GAN: variants seen among roughly 807,000 people sequenced by gnomAD.
GAN encodes epididymis secretory sperm binding protein.
Under a neutral mutation model 71.3 loss-of-function variants are expected in GAN, and 48 were observed. The ratio of observed to expected loss-of-function variants is 0.67; its 90% confidence interval spans 0.53 to 0.86. The LOEUF is 0.86. Ranked by LOEUF, GAN falls within the 40% of genes least tolerant of loss-of-function variation. GAN has a pLI of 0.00. For missense variants in GAN, 928 were observed against 770.1 expected, an observed-to-expected ratio of 1.21 and a Z score of -2.43; for synonymous variants, 386 against 276.8, an observed-to-expected ratio of 1.39 and a Z score of -3.92.
intron 1 of GAN, among the ~76,000 whole-genome samples, chr16:81,346,096 C>G (rs1910109968): frequency 6.6e-6 from 1 of 152,190 alleles, no homozygotes; most frequent in African/African-American, 2.4e-5. Context: ...GAGATACCTC[C>G]TCTAAATTTT....
At chr16:81,356,496 A>G (rs1238867939) in intron 3 of GAN, among the ~76,000 whole-genome samples, 2 of 152,142 alleles carry the variant, frequency 1.3e-5, no homozygotes, top group Non-Finnish European at 2.9e-5. Context: ...GTCTTTTCCT[A>G]TTGAAATGGG....
intron 7 of GAN, 94 bp downstream of exon 7, chr16:81,364,037 G>A (rs1910766346): frequency 1.0e-6 from 1 of 981,878 alleles, no homozygotes; most frequent in Non-Finnish European, 1.6e-6. Context: ...TAATATAACT[G>A]ATGGTGTTAA....
Position 81,354,429 on chromosome 16 carries a change from C to T in GAN, c.307C>T (p.Gln103Ter), listed in dbSNP as rs1313883569. The T allele has an allele frequency of 6.2e-7, 1 of 1,611,686 alleles. No homozygotes were observed. Among genetic ancestry groups the T allele is most frequent in the African/African-American group, 1.3e-5 (1 of 74,828 alleles). ...GQIRLNEDTI[Q>*]DVVQAADLLL... Reference sequence around the variant, plus strand: ...GATCAGGCTAAATGAAGATACAATCCAAGATGTTGTTCAGGCAGCTGACCT... The same window carrying T: ...GATCAGGCTAAATGAAGATACAATCTAAGATGTTGTTCAGGCAGCTGACCT... Residue 103 changes from glutamine to a stop codon, truncating the protein, a stop_gained, in exon 3 of 11, where the codon CAA becomes TAA. Transcript: ENST00000648994. LOFTEE classifies it high-confidence loss of function.
chr16:81,354,318 A>C, intron 2 of GAN, 87 bp from the exon 3 acceptor site: 1 of 842,768 alleles, frequency 1.2e-6, no homozygotes, highest in South Asian at 1.4e-5. Context: ...AATAAATGGA[A>C]ATTTCATGTG....
chr16:81,348,998 G>A (rs988145249), intron 1 of GAN, among the ~76,000 whole-genome samples: 1 of 152,078 alleles, frequency 6.6e-6, no homozygotes, highest in Non-Finnish European at 1.5e-5. Flanking sequence ...TGTGCCTGGT[G>A]CTCCCCTGTC....
rs1387723789 is a variant in GAN at position 81,388,800 on chromosome 16, A to C, written c.*11204A>C. 9 of 152,256 alleles carry C rather than the reference A, an allele frequency of 5.9e-5. No individual in the cohort carries two copies. The highest frequency in any genetic ancestry group is 5.9e-5 in the Non-Finnish European group (4 of 68,038). 9.4% of individuals were successfully genotyped at this position (152,256 alleles called of 1,614,324 possible). ...TTCTTTCCTCTTCAGCTCTGACTTA[A>C]AAACACACTATGTTCCAAATCGTTG... On this transcript the variant is annotated 3_prime_UTR_variant, in exon 11 of 11. Coordinates refer to ENST00000648994, the MANE Select transcript of GAN (RefSeq NM_022041.4).
intron 9 of GAN, among the ~76,000 whole-genome samples, chr16:81,370,349 TC>T (rs979623172): frequency 1.3e-5 from 2 of 152,208 alleles, no homozygotes; most frequent in Admixed American, 6.5e-5. Context: ...CACATCTGTT[TC>T]AGTCATGGTC....
At chr16:81,317,118 A>G (rs748227173) in intron 1 of GAN, among the ~76,000 whole-genome samples, 3 of 152,140 alleles carry the variant, frequency 2.0e-5, no homozygotes, top group Admixed American at 1.3e-4. Flanking sequence ...CGGCCTCCCA[A>G]AGTGCTGGGA....
At chr16:81,375,900 G>T (rs1287973154) in intron 9 of GAN, among the ~76,000 whole-genome samples, 1 of 150,912 alleles carries the variant, frequency 6.6e-6, no homozygotes, top group Non-Finnish European at 1.5e-5. Context: ...AGTCCAAGAG[G>T]TTGAGACTGC....
At position 81,351,605 on chromosome 16, in the gene GAN, C is replaced by G; in HGVS notation, c.190C>G (p.Pro64Ala). 6.6e-7 allele frequency: 1 copy of G among 1,511,434 alleles called. No homozygotes were observed. The highest frequency in any genetic ancestry group is 9.2e-7 in the Non-Finnish European group (1 of 1,086,206). 93.6% of individuals were successfully genotyped at this position (1,511,434 alleles called of 1,614,324 possible). A position where few individuals can be genotyped will look rare whatever the true frequency, so the allele number is the denominator to read the frequency against. ...YIRTKLNYNPPKDDGSTYKIE... is the reference protein window; with the variant it reads ...YIRTKLNYNPAKDDGSTYKIE... ...TAGGACAAAGTTAAACTATAATCCT[C>G]CAAAAGATGATGGATCAACTTATAA... Residue 64 changes from proline to alanine, a missense_variant, in exon 2 of 11, where the codon CCA (proline) becomes GCA (alanine). Coordinates refer to ENST00000648994, the MANE Select transcript of GAN (RefSeq NM_022041.4).
Position 81,379,691 on chromosome 16 carries a change from G to A in GAN, c.*2095G>A, listed in dbSNP as rs987766996. On this transcript the variant is annotated 3_prime_UTR_variant, in exon 11 of 11. Transcript: ENST00000648994. ...ATGTCCTGTACAGAACAGTACCTTG[G>A]CATTCAGCAGCTGTAATTGGGGAAC... is the stretch of plus-strand genomic sequence containing the variant. The A allele has an allele frequency of 2.6e-5, 4 of 152,198 alleles. No individual in the cohort carries two copies. Among genetic ancestry groups the A allele is most frequent in the Admixed American group, 2.6e-4 (4 of 15,278 alleles). 9.4% of individuals were successfully genotyped at this position (152,198 alleles called of 1,614,324 possible). A position where few individuals can be genotyped will look rare whatever the true frequency, so the allele number is the denominator to read the frequency against.
At chr16:81,360,804 T>C (rs1339595837) in intron 5 of GAN, among the ~76,000 whole-genome samples, 1 of 152,240 alleles carries the variant, frequency 6.6e-6, no homozygotes, top group Non-Finnish European at 1.5e-5. Context: ...ATCATCTTTC[T>C]GGTTACTATA....
At chr16:81,361,017 A>G (rs541713078) in intron 5 of GAN, among the ~76,000 whole-genome samples, 5 of 152,256 alleles carry the variant, frequency 3.3e-5, no homozygotes, top group Non-Finnish European at 7.4e-5. Context: ...TGAGGTCAGG[A>G]GTTTGAAATC....
At position 81,358,077 on chromosome 16, in the gene GAN, G is replaced by A. The variant is rs375882079; in HGVS notation, c.973+146G>A. 47 of 750,952 alleles carry A rather than the reference G, an allele frequency of 6.3e-5. No individual in the cohort carries two copies. In the Middle Eastern group the frequency reaches 7.3e-4, roughly 12 times the overall value. 46.5% of individuals were successfully genotyped at this position (750,952 alleles called of 1,614,324 possible). A position where few individuals can be genotyped will look rare whatever the true frequency, so the allele number is the denominator to read the frequency against. On this transcript the variant is annotated intron_variant, in intron 5 of 10. Coordinates refer to ENST00000648994, the MANE Select transcript of GAN (RefSeq NM_022041.4). ...TAGTGTAGTTCTAGCTTCTGAGACCGTGGTTAGGAAAACCGTATTTTCTGT... is the reference window on the plus strand; with the variant it reads ...TAGTGTAGTTCTAGCTTCTGAGACCATGGTTAGGAAAACCGTATTTTCTGT...
At chr16:81,329,683 G>T (rs1909508296) in intron 1 of GAN, among the ~76,000 whole-genome samples, 1 of 152,090 alleles carries the variant, frequency 6.6e-6, no homozygotes, top group African/African-American at 2.4e-5. Context: ...GTTGATACTT[G>T]GTCTCTCCAG....
chr16:81,336,745 T>C (rs1296073298), intron 1 of GAN, among the ~76,000 whole-genome samples: 1 of 152,096 alleles, frequency 6.6e-6, no homozygotes, highest in African/African-American at 2.4e-5. Flanking sequence ...CCAAAAGTGT[T>C]GGGATTGTAG....
intron 1 of GAN, among the ~76,000 whole-genome samples, chr16:81,342,544 C>T (rs193000917): frequency 6.6e-6 from 1 of 152,110 alleles, no homozygotes; most frequent in African/African-American, 2.4e-5. Flanking sequence ...GGGTAAATAA[C>T]GAAATGAAGG....
At chr16:81,373,767 A>G (rs1194503255) in intron 9 of GAN, among the ~76,000 whole-genome samples, 3 of 151,914 alleles carry the variant, frequency 2.0e-5, no homozygotes, top group Non-Finnish European at 4.4e-5. Flanking sequence ...TTTTTGAGAC[A>G]GAGTCTTGCT....
chr16:81,339,229 C>T (rs1327233911), intron 1 of GAN, among the ~76,000 whole-genome samples: 1 of 152,210 alleles, frequency 6.6e-6, no homozygotes, highest in African/African-American at 2.4e-5. Flanking sequence ...CATTGCCAAC[C>T]TTCTGAATCA....
Sources: allele counts gnomAD v4.1 joint callset (sites outside exome capture counted in the v4.1 genomes callset), GRCh38; gene constraint gnomAD v4.1.1; transcripts MANE v1.5; gene names NCBI Gene and HGNC (gene_info 2026-07-23, HGNC 2026-07-21).